The following KCNQ3 variants were observed in gnomAD, a reference collection of about 807,000 sequenced individuals.
KCNQ3 encodes the protein potassium voltage-gated channel subfamily Q member 3.
Under a neutral mutation model 92.5 loss-of-function variants are expected in KCNQ3, and 30 were observed. That is an observed-to-expected ratio of 0.32 (90% CI 0.24 to 0.44). The LOEUF is 0.44. Among genes scored for constraint, KCNQ3 ranks in the 20% least tolerant of loss-of-function variants. KCNQ3 has a pLI of 1.00. For synonymous variants in KCNQ3, 450 were observed against 468.8 expected (o/e 0.96, Z 0.52); for missense variants, 913 against 1,140.3 (o/e 0.80, Z 2.87).
At chr8:132,432,444 A>G (rs1444189271) in intron 1 of KCNQ3, among the ~76,000 whole-genome samples, 3 of 152,308 alleles carry the variant, frequency 2.0e-5, no homozygotes. Context: ...AACAATCAAA[A>G]ATGTATTAAA....
chr8:132,230,063 T>C (rs1283358378), intron 1 of KCNQ3, among the ~76,000 whole-genome samples: 2 of 152,118 alleles, frequency 1.3e-5, no homozygotes, highest in African/African-American at 4.8e-5. Context: ...GCTTTGTCAA[T>C]AACTGTTTTT....
At chr8:132,247,208 A>C (rs571492041) in intron 1 of KCNQ3, among the ~76,000 whole-genome samples, 1 of 152,158 alleles carries the variant, frequency 6.6e-6, no homozygotes, top group South Asian at 2.1e-4. Flanking sequence ...GAACTCCAAC[A>C]AAATTCTGAC....
intron 1 of KCNQ3, among the ~76,000 whole-genome samples, chr8:132,454,356 T>C (rs1030427212): frequency 6.6e-6 from 1 of 152,260 alleles, no homozygotes; most frequent in African/African-American, 2.4e-5. Context: ...ATTAAAATTA[T>C]GTACAGTGTG....
chr8:132,256,111 C>T (rs1758973286), intron 1 of KCNQ3, among the ~76,000 whole-genome samples: 1 of 151,932 alleles, frequency 6.6e-6, no homozygotes, highest in Non-Finnish European at 1.5e-5. Context: ...AAGGAAACCA[C>T]ATACAAGAAC....
intron 1 of KCNQ3, among the ~76,000 whole-genome samples, chr8:132,272,326 G>A (rs1207289152): frequency 6.6e-6 from 1 of 152,188 alleles, no homozygotes; most frequent in Non-Finnish European, 1.5e-5. Context: ...CTGGAATCTG[G>A]GCTGTGATCA....
intron 1 of KCNQ3, among the ~76,000 whole-genome samples, chr8:132,251,353 G>C (rs1332588627): frequency 6.6e-6 from 1 of 152,198 alleles, no homozygotes; most frequent in East Asian, 1.9e-4. Flanking sequence ...ATGAAGGTCT[G>C]GATCAGGAAA....
chr8:132,466,524 G>A (rs1036372937), intron 1 of KCNQ3, among the ~76,000 whole-genome samples: 1 of 152,172 alleles, frequency 6.6e-6, no homozygotes, highest in Non-Finnish European at 1.5e-5. Flanking sequence ...ATTCCTGGCT[G>A]TTCTAGATGG....
intron 1 of KCNQ3, among the ~76,000 whole-genome samples, chr8:132,269,061 G>A (rs1006446274): frequency 1.3e-5 from 2 of 152,176 alleles, no homozygotes; most frequent in African/African-American, 4.8e-5. Flanking sequence ...GTCTATTAAA[G>A]TGTTTGGTCC....
At chr8:132,462,488 G>C (rs1822085122) in intron 1 of KCNQ3, among the ~76,000 whole-genome samples, 1 of 152,198 alleles carries the variant, frequency 6.6e-6, no homozygotes, top group African/African-American at 2.4e-5. Flanking sequence ...GCACCCAGCT[G>C]TGAATTGTAC....
chr8:132,447,355 G>A, intron 1 of KCNQ3: 1 of 963,926 alleles, frequency 1.0e-6, no homozygotes, highest in Non-Finnish European at 1.6e-6. Flanking sequence ...CAGGCAGACA[G>A]TAAAGGTTTC....
At chr8:132,189,888 CAAAAAAAAA>C (rs776683880) in intron 1 of KCNQ3, among the ~76,000 whole-genome samples, 13 of 64,082 alleles carry the variant, frequency 2.0e-4, no homozygotes, top group Non-Finnish European at 2.4e-4. Context: ...TAAAAATGAC[CAAAAAAAAA>C]AAAAAAAAAA....
intron 1 of KCNQ3, among the ~76,000 whole-genome samples, chr8:132,336,698 C>A (rs752034146): frequency 9.9e-5 from 15 of 152,188 alleles, no homozygotes; most frequent in Non-Finnish European, 1.8e-4. Context: ...AGTGCTCACT[C>A]CCTCTCCCTC....
intron 1 of KCNQ3, among the ~76,000 whole-genome samples, chr8:132,381,422 AACG>A (rs1819747261): frequency 6.6e-6 from 1 of 152,190 alleles, no homozygotes; most frequent in Admixed American, 6.5e-5. Flanking sequence ...TCCACTAAGA[AACG>A]ACAGCCCTTC....
rs1297275442 is a variant in KCNQ3 at position 132,462,607 on chromosome 8, CCG to C, written c.386+17538_386+17539del. Among the ~76,000 whole-genome samples, 4 of 152,192 alleles carry C rather than the reference CCG, an allele frequency of 2.6e-5. No individual in the cohort carries two copies. The South Asian group carries it at 8.3e-4, about 31-fold the overall frequency. ...GCAGTGCTGGAATATGAACTTTTGA[CCG>C]CATCACAGCTACTGCATTCAGAATA... On this transcript the variant is annotated intron_variant, in intron 1 of 14. Coordinates refer to ENST00000388996, the MANE Select transcript of KCNQ3 (RefSeq NM_004519.4).
chr8:132,145,171 T>C lies in KCNQ3; in HGVS notation c.1263-3840A>G, dbSNP rs148480965. 1.8e-3 allele frequency among the ~76,000 whole-genome samples: 279 copies of C among 152,252 alleles called. 8 individuals are homozygous for C. The highest frequency in any genetic ancestry group is 4.9e-4 in the Non-Finnish European group (33 of 68,022). ...AACAAAGAATTATCTGTCACAAATA[T>C]CAATAGTGCTGAGGTTGAAAAACTG... On this transcript the variant is annotated intron_variant, in intron 9 of 14. Coordinates refer to ENST00000388996, the MANE Select transcript of KCNQ3 (RefSeq NM_004519.4).
At chr8:132,161,268 A>G (rs1825977372) in intron 9 of KCNQ3, among the ~76,000 whole-genome samples, 1 of 152,224 alleles carries the variant, frequency 6.6e-6, no homozygotes, top group Non-Finnish European at 1.5e-5. Context: ...CAAATAAACA[A>G]GTGTATAGGC....
chr8:132,439,257 C>T (rs1372740959), intron 1 of KCNQ3, among the ~76,000 whole-genome samples: 1 of 151,904 alleles, frequency 6.6e-6, no homozygotes, highest in Admixed American at 6.6e-5. Context: ...TTCAATTCAT[C>T]CCAGCAAACC....
intron 1 of KCNQ3, among the ~76,000 whole-genome samples, chr8:132,211,543 T>C (rs1813853780): frequency 6.6e-6 from 1 of 152,230 alleles, no homozygotes; most frequent in Admixed American, 6.5e-5. Flanking sequence ...GATAACCTTT[T>C]GAGTCCTTTA....
chr8:132,276,030 C>T (rs910695068), intron 1 of KCNQ3, among the ~76,000 whole-genome samples: 12 of 152,184 alleles, frequency 7.9e-5, no homozygotes, highest in Non-Finnish European at 1.0e-4. Context: ...GCACTTGCAC[C>T]CAGGACCTTG....
Sources: gnomAD v4.1 joint callset for allele counts (sites outside exome capture counted in the v4.1 genomes callset) on GRCh38, gnomAD v4.1.1 for gene constraint, MANE v1.5 for transcripts, NCBI Gene and HGNC (gene_info 2026-07-23, HGNC 2026-07-21) for gene names.